APBB2: variants seen among roughly 807,000 people sequenced by gnomAD.
The protein encoded by APBB2 is Fe65-like 1.
APBB2 carries 38 observed loss-of-function variants against 82.5 expected under a neutral mutation model. The ratio of observed to expected loss-of-function variants is 0.46; its 90% CI spans 0.36 to 0.60. The LOEUF is 0.60. Ranked by LOEUF, APBB2 falls within the 20% of genes least tolerant of loss-of-function variation. The pLI is 0.00. For synonymous variants in APBB2, 341 were observed against 368.2 expected, an observed-to-expected ratio of 0.93 and a Z score of 0.85; for missense variants, 772 against 972.3, an observed-to-expected ratio of 0.79 and a Z score of 2.74.
At chr4:41,011,584 C>A (rs1193703833) in intron 6 of APBB2, among the ~76,000 whole-genome samples, 1 of 152,090 alleles carries the variant, frequency 6.6e-6, no homozygotes, top group African/African-American at 2.4e-5. Context: ...CCACCCGCCA[C>A]CATGCCTGGC....
intron 1 of APBB2, among the ~76,000 whole-genome samples, chr4:41,187,774 G>C (rs893081483): frequency 6.6e-5 from 10 of 152,116 alleles, no homozygotes; most frequent in Admixed American, 6.5e-5. Flanking sequence ...TAAACAGACA[G>C]TACTCTCAAT....
intron 1 of APBB2, among the ~76,000 whole-genome samples, chr4:41,183,671 T>C (rs931059336): frequency 3.3e-5 from 5 of 151,866 alleles, no homozygotes; most frequent in Non-Finnish European, 7.4e-5. Context: ...CTTTCTCTCA[T>C]GATCTTCAGA....
intron 12 of APBB2, chr4:40,880,559 T>G (rs897660725): frequency 3.0e-6 from 3 of 985,340 alleles, no homozygotes; most frequent in Non-Finnish European, 2.4e-6. Flanking sequence ...CATGTTTACA[T>G]GGGTTGTTAG....
intron 4 of APBB2, among the ~76,000 whole-genome samples, chr4:41,055,890 AT>A (rs1167498002): frequency 6.6e-6 from 1 of 152,232 alleles, no homozygotes; most frequent in Non-Finnish European, 1.5e-5. Context: ...TAATAACTTA[AT>A]GGTAATAAAT....
intron 12 of APBB2, among the ~76,000 whole-genome samples, chr4:40,861,394 G>A (rs1352899218): frequency 2.0e-5 from 3 of 152,116 alleles, no homozygotes; most frequent in Admixed American, 6.5e-5. Flanking sequence ...AGGTGTGGTG[G>A]CTTGCACCTG....
chr4:41,210,668 C>A (rs1234863972), intron 1 of APBB2, among the ~76,000 whole-genome samples: 1 of 152,184 alleles, frequency 6.6e-6, no homozygotes, highest in African/African-American at 2.4e-5. Context: ...GTTTTAAAAT[C>A]TGGATAGAAC....
chr4:40,970,407 A>T (rs1216944217), intron 6 of APBB2, among the ~76,000 whole-genome samples: 1 of 151,802 alleles, frequency 6.6e-6, no homozygotes, highest in Non-Finnish European at 1.5e-5. Flanking sequence ...CCTCAGAATC[A>T]ATTTCCTCAT....
At position 40,832,702 on chromosome 4, in the gene APBB2, A is replaced by G. The variant is rs1007578364; in HGVS notation, c.1530-2125T>C. On this transcript the variant is annotated intron_variant, in intron 12 of 17. Coordinates refer to ENST00000508593, the MANE Select transcript of APBB2 (RefSeq NM_004307.2). This position sits in a 1 kb window ranked among gnomAD's most constrained non-coding sequence, Gnocchi z 4.8. ...AGCTGAAGATGGGTGAGAGCCTGGA[A>G]GGTTCCTCGCACACACAGTACATAC... Among the ~76,000 whole-genome samples the G allele has an allele frequency of 2.6e-5, 4 of 152,174 alleles. No homozygotes were observed. The highest frequency in any genetic ancestry group is 5.9e-5 in the Non-Finnish European group (4 of 68,026).
chr4:40,862,718 G>A (rs1168757007), intron 12 of APBB2, among the ~76,000 whole-genome samples: 1 of 152,132 alleles, frequency 6.6e-6, no homozygotes, highest in Non-Finnish European at 1.5e-5. Flanking sequence ...AATTAGCCAG[G>A]CGTGGTGGCA....
intron 3 of APBB2, among the ~76,000 whole-genome samples, chr4:41,086,801 A>T (rs1739858845): frequency 6.6e-6 from 1 of 152,210 alleles, no homozygotes; most frequent in Admixed American, 6.5e-5. Flanking sequence ...ACATAGTAGT[A>T]GAAGTCCTAG....
chr4:41,056,943 G>C, intron 4 of APBB2, among the ~76,000 whole-genome samples: 1 of 152,246 alleles, frequency 6.6e-6, no homozygotes, highest in Admixed American at 6.5e-5. Context: ...GGATTTATTG[G>C]TATTGAGTTC....
intron 2 of APBB2, among the ~76,000 whole-genome samples, chr4:41,110,836 G>C (rs568726917): frequency 1.3e-5 from 2 of 152,252 alleles, no homozygotes; most frequent in South Asian, 4.1e-4. Flanking sequence ...TTCCCCAATA[G>C]GGTGAGGGGA....
chr4:40,992,369 G>GGT (rs754343995), intron 6 of APBB2, among the ~76,000 whole-genome samples: 2 of 118,746 alleles, frequency 1.7e-5, no homozygotes, highest in East Asian at 2.9e-4. Context: ...GATGGGGGGG[G>GGT]GTCTTTCTAT....
At chr4:41,033,860 A>G (rs1479286899) in intron 4 of APBB2, among the ~76,000 whole-genome samples, 2 of 152,232 alleles carry the variant, frequency 1.3e-5, no homozygotes, top group Non-Finnish European at 2.9e-5. Flanking sequence ...AACAAGTCCC[A>G]AGAGAAACAC....
intron 4 of APBB2, among the ~76,000 whole-genome samples, chr4:41,044,304 T>C (rs1387734419): frequency 1.3e-5 from 2 of 152,238 alleles, no homozygotes; most frequent in African/African-American, 2.4e-5. Flanking sequence ...CCAATATTTT[T>C]TTTAATATCA....
At chr4:41,052,242 T>C (rs1013530472) in intron 4 of APBB2, among the ~76,000 whole-genome samples, 4 of 139,056 alleles carry the variant, frequency 2.9e-5, no homozygotes, top group African/African-American at 1.1e-4. Flanking sequence ...CATACATACA[T>C]ACCAAAACAA....
chr4:40,893,750 GA>G (rs1487679840), intron 10 of APBB2, among the ~76,000 whole-genome samples: 1 of 152,096 alleles, frequency 6.6e-6, no homozygotes, highest in Non-Finnish European at 1.5e-5. Context: ...GAGGTGGGTG[GA>G]TCACCTGAGG....
At chr4:41,093,281 A>G (rs1434669610) in intron 3 of APBB2, among the ~76,000 whole-genome samples, 2 of 152,242 alleles carry the variant, frequency 1.3e-5, no homozygotes, top group Admixed American at 6.5e-5. Flanking sequence ...GAGTAGATGC[A>G]GTCAGTAGTT....
chr4:40,978,427 G>T (rs1426993270), intron 6 of APBB2, among the ~76,000 whole-genome samples: 1 of 152,152 alleles, frequency 6.6e-6, no homozygotes, highest in African/African-American at 2.4e-5. Flanking sequence ...TAGTGAGACT[G>T]AAGAGGAAGC....
Sources: allele counts gnomAD v4.1 joint callset (sites outside exome capture counted in the v4.1 genomes callset), GRCh38; gene constraint gnomAD v4.1.1; non-coding constraint Gnocchi (gnomAD v3.1); transcripts MANE v1.5; gene names NCBI Gene and HGNC (gene_info 2026-07-23, HGNC 2026-07-21).